Variants in KYNU observed in about 807,000 individuals in gnomAD.
The protein encoded by KYNU is kynureninase, also known as L-kynurenine hydrolase.
KYNU carries 54 observed loss-of-function variants against 59.2 expected under a neutral mutation model. The observed-to-expected ratio is 0.91, with a 90% CI of 0.73 to 1.14. The LOEUF is 1.14. Among genes scored for constraint, KYNU ranks in the 50% most tolerant of loss-of-function variants. The probability of loss-of-function intolerance (pLI) is 0.00; values close to 1 mark genes in which losing one functional copy is unlikely to be tolerated. For missense variants in KYNU, 567 were observed against 554.4 expected, an observed-to-expected ratio of 1.02 and a Z score of -0.23; for synonymous variants, 177 against 192.0, an observed-to-expected ratio of 0.92 and a Z score of 0.65.
At chr2:142,947,280 A>G (rs922467987) in intron 4 of KYNU, 33 of 1,511,536 alleles carry the variant, frequency 2.2e-5, no homozygotes, top group Non-Finnish European at 2.9e-5. Context: ...AGACAAATTC[A>G]CTTAAAACTC....
In KYNU at chr2:142,901,312, G is replaced by A. The variant is rs1682077963; in HGVS notation, c.169+15776G>A. Among the ~76,000 whole-genome samples the A allele has an allele frequency of 3.3e-5, 5 of 152,010 alleles. No homozygotes were observed. The South Asian group carries it at 1.0e-3, about 32-fold the overall frequency. ...TTTTCGGTGGCTAGCCATTCTGAGG[G>A]GAGGAAACTACGTCCTTGTGAGGTT... On this transcript the variant is annotated intron_variant, in intron 2 of 13. Coordinates refer to ENST00000264170, the MANE Select transcript of KYNU (RefSeq NM_003937.3).
At position 143,001,788 on chromosome 2, in the gene KYNU, A is replaced by G. The variant is rs59189323; in HGVS notation, c.902+15767A>G. Among the ~76,000 whole-genome samples, 1,282 of 152,324 alleles carry G rather than the reference A, an allele frequency of 8.4e-3. 17 individuals carry two copies. Among genetic ancestry groups the G allele is most frequent in the African/African-American group, 0.03 (1,239 of 41,568 alleles). ...AAGCCATACTTTTCTCAAATCTAAAATGGTAGAAAGAATATCTACCTCAAA... is the reference window on the plus strand; with the variant it reads ...AAGCCATACTTTTCTCAAATCTAAAGTGGTAGAAAGAATATCTACCTCAAA... On this transcript the variant is annotated intron_variant, in intron 10 of 13. Transcript: ENST00000264170.
At chr2:143,004,791 C>T (rs1177062620) in intron 10 of KYNU, among the ~76,000 whole-genome samples, 2 of 152,188 alleles carry the variant, frequency 1.3e-5, no homozygotes, top group South Asian at 2.1e-4. Context: ...TCTAGTTAAA[C>T]TAGGTACTAC....
chr2:142,960,613 A>G lies in KYNU; in HGVS notation c.583-11A>G, dbSNP rs1167939670. ...ATCGATATGACCTAACTTGTGCCTA[A>G]CTTGATTTAGGGGGAAGAAACCTTA... On this transcript the variant is annotated splice_polypyrimidine_tract_variant and intron_variant, in intron 7 of 13. Coordinates refer to ENST00000264170, the MANE Select transcript of KYNU (RefSeq NM_003937.3). 6.2e-7 allele frequency: 1 copy of G among 1,612,262 alleles called. No homozygotes were observed. Among genetic ancestry groups the G allele is most frequent in the South Asian group, 1.1e-5 (1 of 91,020 alleles).
chr2:142,964,945 G>A (rs540106441), intron 8 of KYNU, among the ~76,000 whole-genome samples: 1 of 152,202 alleles, frequency 6.6e-6, no homozygotes, highest in South Asian at 2.1e-4. Context: ...TCTTTTTGGA[G>A]CTCTGTCTTA....
chr2:142,918,764 T>G (rs201840240), intron 3 of KYNU, 35 bp downstream of exon 3: 3 of 1,596,758 alleles, frequency 1.9e-6, no homozygotes, highest in Admixed American at 1.7e-5. Flanking sequence ...ACTCTACATC[T>G]CATACAAAAA....
chr2:142,885,268 A>G, intron 1 of KYNU, 81 bp from the exon 2 acceptor site: 1 of 1,127,398 alleles, frequency 8.9e-7, no homozygotes, highest in Non-Finnish European at 1.3e-6. Context: ...CTTAGTGAAA[A>G]CAAAAGGTGT....
At chr2:142,996,374 T>C (rs1475583544) in intron 10 of KYNU, among the ~76,000 whole-genome samples, 1 of 152,106 alleles carries the variant, frequency 6.6e-6, no homozygotes, top group Non-Finnish European at 1.5e-5. Flanking sequence ...AATTATGACA[T>C]TTTCAAAGTT....
chr2:142,894,902 T>C lies in KYNU; in HGVS notation c.169+9366T>C, dbSNP rs549328526. On this transcript the variant is annotated intron_variant, in intron 2 of 13. Coordinates refer to ENST00000264170, the MANE Select transcript of KYNU (RefSeq NM_003937.3). ...CAGGAGGATGGCTTGAGTCCAGGAATTCAACACCAGCCTGGGCAACATAGT... is the reference window on the plus strand; with the variant it reads ...CAGGAGGATGGCTTGAGTCCAGGAACTCAACACCAGCCTGGGCAACATAGT... Among the ~76,000 whole-genome samples the C allele has an allele frequency of 6.6e-5, 10 of 152,258 alleles. No homozygotes were observed. The South Asian group carries it at 1.9e-3, about 28-fold the overall frequency.
At chr2:143,021,721 G>A (rs1043865655) in intron 10 of KYNU, among the ~76,000 whole-genome samples, 2 of 152,068 alleles carry the variant, frequency 1.3e-5, no homozygotes, top group Non-Finnish European at 2.9e-5. Flanking sequence ...CTATTCATGA[G>A]AAATCCATCC....
chr2:143,037,968 T>TTTTA (rs1686933640), intron 12 of KYNU, among the ~76,000 whole-genome samples: 1 of 152,158 alleles, frequency 6.6e-6, no homozygotes, highest in Admixed American at 6.6e-5. Context: ...TATTTTATGA[T>TTTTA]TTAAAGAGTG....
intron 8 of KYNU, among the ~76,000 whole-genome samples, chr2:142,978,382 A>G (rs352863): frequency 0.99 from 150,945 of 152,320 alleles, 74,790 homozygotes; most frequent in East Asian, 1. Context: ...ATCAAGCAAG[A>G]AATGATATTC....
chr2:143,007,879 G>A (rs1685963831), intron 10 of KYNU, among the ~76,000 whole-genome samples: 1 of 114,052 alleles, frequency 8.8e-6, no homozygotes, highest in Non-Finnish European at 1.7e-5. Flanking sequence ...TCACCACCAG[G>A]CCTGCCCTAA....
chr2:142,928,986 C>T (rs543235997), intron 4 of KYNU, among the ~76,000 whole-genome samples: 12 of 119,616 alleles, frequency 1.0e-4, no homozygotes, highest in Admixed American at 4.8e-4. Context: ...TCAGCCTGGA[C>T]GACAGGGTGA....
intron 10 of KYNU, among the ~76,000 whole-genome samples, chr2:143,028,965 T>C (rs1168541738): frequency 6.6e-6 from 1 of 152,216 alleles, no homozygotes; most frequent in Non-Finnish European, 1.5e-5. Flanking sequence ...CATTTCTCTT[T>C]AGAGATTCTA....
intron 8 of KYNU, among the ~76,000 whole-genome samples, chr2:142,972,859 T>A (rs1180527115): frequency 1.4e-5 from 2 of 146,720 alleles, no homozygotes; most frequent in East Asian, 4.2e-4. Context: ...AGAGATGAGG[T>A]CTCTCTCTAC....
chr2:143,025,303 G>T (rs1487414022), intron 10 of KYNU, among the ~76,000 whole-genome samples: 1 of 151,844 alleles, frequency 6.6e-6, no homozygotes. Context: ...GAAAATCTTT[G>T]TGTTGGTGCT....
chr2:142,960,862 T>C, intron 8 of KYNU, 92 bp downstream of exon 8: 1 of 1,327,458 alleles, frequency 7.5e-7, no homozygotes, highest in Non-Finnish European at 1.1e-6. Flanking sequence ...TACTTTAGCT[T>C]GTGTCTGAGT....
At chr2:142,907,792 G>A (rs916747244) in intron 2 of KYNU, among the ~76,000 whole-genome samples, 29 of 152,274 alleles carry the variant, frequency 1.9e-4, no homozygotes, top group African/African-American at 5.8e-4. Flanking sequence ...TTGGTCAGGT[G>A]TGAGCTGAGT....
Sources: allele counts gnomAD v4.1 joint callset (sites outside exome capture counted in the v4.1 genomes callset), GRCh38; gene constraint gnomAD v4.1.1; transcripts MANE v1.5; gene names NCBI Gene and HGNC (gene_info 2026-07-23, HGNC 2026-07-21).